CNTN4: variants seen among roughly 807,000 people sequenced by gnomAD.
CNTN4 encodes contactin 4, also known as contactin-4.
A neutral mutation model predicts 122.5 loss-of-function variants in CNTN4; 77 were observed. The observed-to-expected ratio is 0.63, with a 90% CI of 0.52 to 0.76. The LOEUF (loss-of-function observed/expected upper bound fraction) is 0.76, where lower values mean the gene tolerates loss of function less well. Among genes scored for constraint, CNTN4 ranks in the 30% least tolerant of loss-of-function variants. The probability of loss-of-function intolerance (pLI) is 0.00; values close to 1 mark genes in which losing one functional copy is unlikely to be tolerated. For missense variants in CNTN4, 1,256 were observed against 1,259.1 expected (o/e 1.00, Z 0.04); for synonymous variants, 512 against 447.0 (o/e 1.15, Z -1.83).
At chr3:2,794,730 CAAAG>C (rs370735372) in intron 6 of CNTN4, among the ~76,000 whole-genome samples, 8 of 152,262 alleles carry the variant, frequency 5.3e-5, no homozygotes, top group African/African-American at 1.7e-4. Context: ...TGTGGGCTTA[CAAAG>C]AAAGGAAATA....
intron 3 of CNTN4, among the ~76,000 whole-genome samples, chr3:2,567,329 A>G (rs1008313007): frequency 1.3e-5 from 2 of 151,672 alleles, no homozygotes; most frequent in African/African-American, 4.8e-5. Context: ...TTCGTGATCC[A>G]CCCACCTCGG....
chr3:2,758,850 A>G (rs773483157), intron 6 of CNTN4, among the ~76,000 whole-genome samples: 1 of 152,060 alleles, frequency 6.6e-6, no homozygotes, highest in Non-Finnish European at 1.5e-5. Context: ...TTAAGATACC[A>G]TACCATACAA....
At chr3:2,842,259 T>C (rs995655807) in intron 7 of CNTN4, among the ~76,000 whole-genome samples, 2 of 152,126 alleles carry the variant, frequency 1.3e-5, no homozygotes, top group Non-Finnish European at 2.9e-5. Flanking sequence ...GTAAGAGATA[T>C]TGGTGTCTTT....
chr3:2,805,188 A>G (rs1345421391), intron 6 of CNTN4, among the ~76,000 whole-genome samples: 3 of 152,066 alleles, frequency 2.0e-5, no homozygotes, highest in Non-Finnish European at 4.4e-5. Flanking sequence ...AAAAAAAAAA[A>G]GTATCAGTTG....
Position 2,157,049 on chromosome 3 carries a change from A to T in CNTN4, c.-145+56410A>T, listed in dbSNP as rs565855223. ...GCATTTCCGTTTCGTTGGTTTACCA[A>T]ATAGATTTCATTGTGAGATATGTGT... On this transcript the variant is annotated intron_variant, in intron 2 of 24. Transcript: ENST00000418658. 1.8e-3 allele frequency among the ~76,000 whole-genome samples: 268 copies of T among 152,300 alleles called. 4 individuals are homozygous for T. Among genetic ancestry groups the T allele is most frequent in the Non-Finnish European group, 2.9e-4 (20 of 68,032 alleles).
intron 2 of CNTN4, among the ~76,000 whole-genome samples, chr3:2,237,471 TCAAAAA>T (rs2039728787): frequency 6.6e-6 from 1 of 152,122 alleles, no homozygotes; most frequent in East Asian, 1.9e-4. Context: ...AGACACTGTC[TCAAAAA>T]CAAAAACAAA....
At chr3:2,172,201 C>G (rs1334112408) in intron 2 of CNTN4, among the ~76,000 whole-genome samples, 2 of 152,026 alleles carry the variant, frequency 1.3e-5, no homozygotes, top group African/African-American at 4.8e-5. Flanking sequence ...CATATATACA[C>G]CATGGAATAC....
At chr3:2,485,442 C>T (rs1029220848) in intron 3 of CNTN4, among the ~76,000 whole-genome samples, 1 of 152,244 alleles carries the variant, frequency 6.6e-6, no homozygotes, top group Non-Finnish European at 1.5e-5. Context: ...CCAAGCAGCA[C>T]TCTGTGTCTA....
chr3:2,274,214 C>A (rs981144817), intron 2 of CNTN4, among the ~76,000 whole-genome samples: 1 of 152,058 alleles, frequency 6.6e-6, no homozygotes, highest in South Asian at 2.1e-4. Flanking sequence ...GAAAACCTGT[C>A]TCTACTAAAA....
At chr3:2,435,616 G>C (rs764240992) in intron 3 of CNTN4, among the ~76,000 whole-genome samples, 49 of 152,082 alleles carry the variant, frequency 3.2e-4, no homozygotes, top group Non-Finnish European at 4.1e-4. Context: ...AATTATTTTA[G>C]TTACTCATCT....
chr3:2,910,813 G>T (rs187028946), intron 12 of CNTN4, among the ~76,000 whole-genome samples: 2,281 of 152,312 alleles, frequency 0.015, 23 homozygotes, highest in Non-Finnish European at 0.022. Flanking sequence ...AGATTTGGTA[G>T]TGGGGGGTGA....
chr3:2,587,679 T>C (rs752693413), intron 4 of CNTN4, among the ~76,000 whole-genome samples: 1 of 152,228 alleles, frequency 6.6e-6, no homozygotes, highest in Non-Finnish European at 1.5e-5. Flanking sequence ...TTAAGAAGAT[T>C]ATCAATGGCA....
intron 7 of CNTN4, among the ~76,000 whole-genome samples, chr3:2,831,365 C>A (rs2093100955): frequency 6.6e-6 from 1 of 152,156 alleles, no homozygotes; most frequent in Non-Finnish European, 1.5e-5. Context: ...TTGACATTTG[C>A]AGATATATAG....
chr3:2,450,738 C>T (rs1559563297), intron 3 of CNTN4, among the ~76,000 whole-genome samples: 1 of 152,186 alleles, frequency 6.6e-6, no homozygotes, highest in Admixed American at 6.5e-5. Flanking sequence ...TGGCTTGGAC[C>T]AAAGCCCCCA....
At chr3:2,372,932 C>T (rs953412256) in intron 3 of CNTN4, among the ~76,000 whole-genome samples, 1 of 151,976 alleles carries the variant, frequency 6.6e-6, no homozygotes, top group African/African-American at 2.4e-5. Context: ...CCTGTAGTCC[C>T]GTTACTTGGG....
chr3:2,673,868 A>C lies in CNTN4; in HGVS notation c.56-62347A>C, dbSNP rs550272294. Reference sequence around the variant, plus strand: ...GAGGGTCAGTTTTAAGAGGCCTTGCAGCTTCCACTTTTGTCATCTTGGAAT... The same window carrying C: ...GAGGGTCAGTTTTAAGAGGCCTTGCCGCTTCCACTTTTGTCATCTTGGAAT... On this transcript the variant is annotated intron_variant, in intron 4 of 24. Coordinates refer to ENST00000418658, the MANE Select transcript of CNTN4 (RefSeq NM_175607.3). 1.2e-4 allele frequency among the ~76,000 whole-genome samples: 18 copies of C among 152,236 alleles called. 1 individual carries two copies. The highest frequency in any genetic ancestry group is 4.1e-4 in the African/African-American group (17 of 41,562).
At chr3:2,792,131 C>G (rs2092032231) in intron 6 of CNTN4, among the ~76,000 whole-genome samples, 1 of 152,152 alleles carries the variant, frequency 6.6e-6, no homozygotes, top group Admixed American at 6.6e-5. Context: ...GCCTAGGTCC[C>G]TTTTCCTAGT....
intron 4 of CNTN4, among the ~76,000 whole-genome samples, chr3:2,713,268 A>T (rs1418395367): frequency 2.0e-5 from 3 of 152,190 alleles, no homozygotes; most frequent in African/African-American, 7.2e-5. Flanking sequence ...TGGTGGGAAG[A>T]AACCCCCTCC....
intron 3 of CNTN4, among the ~76,000 whole-genome samples, chr3:2,535,455 C>T (rs956718040): frequency 3.9e-5 from 6 of 152,094 alleles, no homozygotes; most frequent in African/African-American, 1.4e-4. Flanking sequence ...TTCAAATTTT[C>T]ACTTTTCTCC....
Sources: allele counts gnomAD v4.1 joint callset (sites outside exome capture counted in the v4.1 genomes callset), GRCh38; gene constraint gnomAD v4.1.1; transcripts MANE v1.5; gene names NCBI Gene and HGNC (gene_info 2026-07-23, HGNC 2026-07-21).